Variants in RBMS3 observed in about 807,000 individuals in gnomAD.
The protein encoded by RBMS3 is RNA binding motif single stranded interacting protein 3.
Under a neutral mutation model 66.8 loss-of-function variants are expected in RBMS3, and 27 were observed. That is an observed-to-expected ratio of 0.40 (90% confidence interval 0.30 to 0.56). RBMS3 has a LOEUF of 0.56. RBMS3 is among the 20% of genes least tolerant of loss of function. The pLI is 0.40. For missense variants in RBMS3, 513 were observed against 549.5 expected (o/e 0.93, Z 0.66); for synonymous variants, 188 against 183.0 (o/e 1.03, Z -0.22).
chr3:29,422,725 A>G (rs1408090544), intron 1 of RBMS3, among the ~76,000 whole-genome samples: 3 of 152,140 alleles, frequency 2.0e-5, no homozygotes, highest in African/African-American at 7.2e-5. Context: ...AACATAATAA[A>G]TTTTGAAAAT....
intron 4 of RBMS3, among the ~76,000 whole-genome samples, chr3:29,687,612 G>T (rs1446906959): frequency 6.6e-6 from 1 of 152,156 alleles, no homozygotes; most frequent in Non-Finnish European, 1.5e-5. Flanking sequence ...AATAACTACT[G>T]ATAATTAGAC....
intron 1 of RBMS3, among the ~76,000 whole-genome samples, chr3:29,361,742 T>C (rs9784329): frequency 0.099 from 15,092 of 152,114 alleles, 1,522 homozygotes; most frequent in African/African-American, 0.26. Flanking sequence ...AGGCTTTGCT[T>C]ATTTCTTTTT....
chr3:29,971,548 T>G (rs1297316634), intron 12 of RBMS3, among the ~76,000 whole-genome samples: 2 of 152,158 alleles, frequency 1.3e-5, no homozygotes, highest in East Asian at 3.9e-4. Flanking sequence ...AGAAGCCTGC[T>G]TTTTTAACGG....
In RBMS3 at chr3:29,397,086, G is replaced by A. The variant is rs543472085; in HGVS notation, c.76-37657G>A. 2.6e-5 allele frequency among the ~76,000 whole-genome samples: 4 copies of A among 152,194 alleles called. No individual in the cohort carries two copies. The East Asian group carries it at 7.7e-4, about 29-fold the overall frequency. ...AAATGTCTGTGCCTCGTATGTGTTA[G>A]GAACATGAATTCAATATGAACTTCA... On this transcript the variant is annotated intron_variant, in intron 1 of 14. Transcript: ENST00000383767.
intron 2 of RBMS3, among the ~76,000 whole-genome samples, chr3:29,486,027 GT>G (rs1448515678): frequency 6.6e-6 from 1 of 152,014 alleles, no homozygotes; most frequent in Non-Finnish European, 1.5e-5. Flanking sequence ...AATCTGCAGA[GT>G]AGTTTTCATT....
At chr3:29,828,738 C>T (rs1229568132) in intron 6 of RBMS3, among the ~76,000 whole-genome samples, 1 of 152,102 alleles carries the variant, frequency 6.6e-6, no homozygotes, top group Non-Finnish European at 1.5e-5. Context: ...ACTGTACAGT[C>T]TAGAGATGGA....
intron 3 of RBMS3, among the ~76,000 whole-genome samples, chr3:29,510,882 C>T (rs937317236): frequency 6.6e-6 from 1 of 152,190 alleles, no homozygotes; most frequent in East Asian, 1.9e-4. Context: ...TGTGCCCACT[C>T]TGTGCTAAAA....
intron 3 of RBMS3, among the ~76,000 whole-genome samples, chr3:29,570,297 C>G (rs556285380): frequency 6.6e-6 from 1 of 152,126 alleles, no homozygotes; most frequent in Admixed American, 6.5e-5. Context: ...CGTATCCATG[C>G]CTTCAAGCAT....
At chr3:30,003,439 T>C (rs1401119358) in intron 14 of RBMS3, among the ~76,000 whole-genome samples, 1 of 151,976 alleles carries the variant, frequency 6.6e-6, no homozygotes, top group African/African-American at 2.4e-5. Flanking sequence ...CTGTCTCACT[T>C]ATTTCCTCAG....
chr3:29,503,187 C>G lies in RBMS3; in HGVS notation c.307+14688C>G, dbSNP rs149811397. Among the ~76,000 whole-genome samples, 497 of 152,174 alleles carry G rather than the reference C, an allele frequency of 3.3e-3. 7 individuals carry two copies. Among genetic ancestry groups the G allele is most frequent in the South Asian group, 0.032 (154 of 4,820 alleles). Reference sequence around the variant, plus strand: ...AAAGACTTTTATGTTTTGAATTCATCCAGGCACCAATTCTTGCAGCAAAAC... The same window carrying G: ...AAAGACTTTTATGTTTTGAATTCATGCAGGCACCAATTCTTGCAGCAAAAC... On this transcript the variant is annotated intron_variant, in intron 3 of 14. Transcript: ENST00000383767.
chr3:29,673,060 C>T (rs2051076591), intron 4 of RBMS3, among the ~76,000 whole-genome samples: 1 of 152,156 alleles, frequency 6.6e-6, no homozygotes, highest in Non-Finnish European at 1.5e-5. Context: ...TCTCTCAGAC[C>T]ACAGTGAAAT....
intron 1 of RBMS3, among the ~76,000 whole-genome samples, chr3:29,388,340 C>G (rs1284258573): frequency 6.6e-6 from 1 of 152,090 alleles, no homozygotes; most frequent in Admixed American, 6.5e-5. Flanking sequence ...TTTTTAGCAC[C>G]TAGAAGAGTC....
intron 1 of RBMS3, among the ~76,000 whole-genome samples, chr3:29,351,002 GTA>G (rs144931291): frequency 6.6e-6 from 1 of 151,268 alleles, no homozygotes; most frequent in African/African-American, 2.4e-5. Context: ...AATATTATGT[GTA>G]TATATATATA....
intron 5 of RBMS3, among the ~76,000 whole-genome samples, chr3:29,748,580 G>C (rs948335065): frequency 6.6e-6 from 1 of 152,220 alleles, no homozygotes; most frequent in South Asian, 2.1e-4. Flanking sequence ...GAAGATAATG[G>C]TAGAGGCAGC....
intron 8 of RBMS3, among the ~76,000 whole-genome samples, chr3:29,893,541 G>A (rs1054580920): frequency 6.6e-6 from 1 of 151,512 alleles, no homozygotes; most frequent in African/African-American, 2.4e-5. Context: ...CATGGCATAT[G>A]AGGAAGACTG....
chr3:29,943,936 A>G (rs1480023390), intron 11 of RBMS3, among the ~76,000 whole-genome samples: 3 of 151,704 alleles, frequency 2.0e-5, no homozygotes, highest in Non-Finnish European at 3.0e-5. Context: ...TAAGGGAGGT[A>G]CCAAACAGGC....
chr3:29,986,121 G>A (rs1200573387), intron 12 of RBMS3, among the ~76,000 whole-genome samples: 1 of 151,990 alleles, frequency 6.6e-6, no homozygotes, highest in Non-Finnish European at 1.5e-5. Context: ...AATAGGTAAG[G>A]ATTTGTCCTT....
chr3:29,515,348 T>A (rs1005059210), intron 3 of RBMS3, among the ~76,000 whole-genome samples: 14 of 152,296 alleles, frequency 9.2e-5, no homozygotes, highest in African/African-American at 3.1e-4. Flanking sequence ...GTAAGTGATA[T>A]AATCTGAATG....
At chr3:29,434,952 C>T (rs779950083) in intron 2 of RBMS3, 37 bp downstream of exon 2, 1 of 1,575,828 alleles carries the variant, frequency 6.3e-7, no homozygotes, top group Admixed American at 1.7e-5. Flanking sequence ...GTTTCTCACT[C>T]CCATACTTGC....
Sources: allele counts gnomAD v4.1 joint callset (sites outside exome capture counted in the v4.1 genomes callset), GRCh38; gene constraint gnomAD v4.1.1; transcripts MANE v1.5; gene names NCBI Gene and HGNC (gene_info 2026-07-23, HGNC 2026-07-21).